The following GRM8 variants were observed in gnomAD, a reference collection of about 807,000 sequenced individuals.
GRM8 encodes the protein glutamate metabotropic receptor 8.
Under a neutral mutation model 87.2 loss-of-function variants are expected in GRM8, and 47 were observed. The observed-to-expected ratio is 0.54, with a 90% confidence interval of 0.43 to 0.69. The LOEUF (loss-of-function observed/expected upper bound fraction) is 0.69, where lower values mean the gene tolerates loss of function less well. Among genes scored for constraint, GRM8 ranks in the 30% least tolerant of loss-of-function variants. GRM8 has a pLI of 0.00. For synonymous variants in GRM8, 396 were observed against 404.5 expected (o/e 0.98, Z 0.25); for missense variants, 1,019 against 1,139.2 (o/e 0.89, Z 1.52).
chr7:126,883,114 C>T (rs1563279652), intron 6 of GRM8, among the ~76,000 whole-genome samples: 1 of 152,136 alleles, frequency 6.6e-6, no homozygotes, highest in Non-Finnish European at 1.5e-5. Context: ...TTCTGATTGG[C>T]CTCCATCCAG....
chr7:127,159,380 CTAAT>C (rs1292189194), intron 2 of GRM8, among the ~76,000 whole-genome samples: 1 of 152,064 alleles, frequency 6.6e-6, no homozygotes, highest in African/African-American at 2.4e-5. Flanking sequence ...TAAAGATGAC[CTAAT>C]TAATTGTTAC....
chr7:126,770,541 A>G lies in GRM8; in HGVS notation c.1157-476T>C, dbSNP rs139556092. Among the ~76,000 whole-genome samples the G allele has an allele frequency of 4.3e-3, 650 of 152,158 alleles. 6 individuals are homozygous for G. Among genetic ancestry groups the G allele is most frequent in the African/African-American group, 0.015 (620 of 41,544 alleles). On this transcript the variant is annotated intron_variant, in intron 6 of 10. Coordinates refer to ENST00000339582, the MANE Select transcript of GRM8 (RefSeq NM_000845.3). Reference sequence around the variant, plus strand: ...TTGGGAGCCTTTTTGTAACTTTTATATGACAATACTCCCTTAAGTGACCCT... The same window carrying G: ...TTGGGAGCCTTTTTGTAACTTTTATGTGACAATACTCCCTTAAGTGACCCT...
Position 126,892,605 on chromosome 7 carries a change from G to T in GRM8, c.1156+9937C>A, listed in dbSNP as rs182019923. ...AGTGCCTCAATAAACATACATGTGC[G>T]TGTGTCTTTACAGCAGCATGATTTA... On this transcript the variant is annotated intron_variant, in intron 6 of 10. Coordinates refer to ENST00000339582, the MANE Select transcript of GRM8 (RefSeq NM_000845.3). Among the ~76,000 whole-genome samples, 138 of 152,088 alleles carry T rather than the reference G, an allele frequency of 9.1e-4. 1 individual carries two copies. Among genetic ancestry groups the T allele is most frequent in the African/African-American group, 3.2e-3 (132 of 41,502 alleles).
rs1808946320 is a variant in GRM8, at chr7:126,692,585, A to G, written c.1357+77280T>C. 2.6e-5 allele frequency among the ~76,000 whole-genome samples: 4 copies of G among 152,352 alleles called. No homozygotes were observed. The South Asian group carries it at 6.2e-4, about 24-fold the overall frequency. ...CCTGGGAAGATTGAATTCTTGCAGC[A>G]GCACATAATGGAAAAATACTACAGC... On this transcript the variant is annotated intron_variant, in intron 7 of 10. Coordinates refer to ENST00000339582, the MANE Select transcript of GRM8 (RefSeq NM_000845.3).
At chr7:126,770,149 A>C (rs1314805074) in intron 6 of GRM8, 84 bp from the exon 7 acceptor site, 1 of 866,724 alleles carries the variant, frequency 1.2e-6, no homozygotes, top group Non-Finnish European at 1.9e-6. Context: ...CCATCATTTG[A>C]GGAACACTTA....
At chr7:127,228,698 A>C (rs1797497432) in intron 2 of GRM8, 1 of 152,244 alleles carries the variant, frequency 6.6e-6, no homozygotes. Flanking sequence ...GCTTCCTAAA[A>C]CATCTTTAAA....
At chr7:126,554,079 T>C (rs1201905373) in intron 8 of GRM8, among the ~76,000 whole-genome samples, 5 of 152,166 alleles carry the variant, frequency 3.3e-5, no homozygotes. Flanking sequence ...ATTCCAATCT[T>C]TTCTCAAAGA....
intron 2 of GRM8, chr7:127,229,402 G>T (rs11563480): frequency 2.0e-5 from 3 of 152,204 alleles, no homozygotes; most frequent in South Asian, 2.1e-4. Context: ...TTTCAGCAAG[G>T]TTTTACCTGT....
At chr7:127,109,399 T>C (rs1322859883) in intron 2 of GRM8, among the ~76,000 whole-genome samples, 1 of 152,310 alleles carries the variant, frequency 6.6e-6, no homozygotes, top group African/African-American at 2.4e-5. Flanking sequence ...ATACAAACTC[T>C]TCGGTCTGGT....
intron 3 of GRM8, among the ~76,000 whole-genome samples, chr7:126,993,625 C>T (rs913891817): frequency 2.6e-4 from 39 of 152,298 alleles, no homozygotes; most frequent in African/African-American, 7.2e-4. Context: ...CTCTCACATT[C>T]CCCAGAAATA....
chr7:126,949,261 A>C (rs1307354679), intron 3 of GRM8, among the ~76,000 whole-genome samples: 1 of 152,138 alleles, frequency 6.6e-6, no homozygotes, highest in African/African-American at 2.4e-5. Flanking sequence ...AACTCTCCTC[A>C]ATATCACACT....
chr7:126,642,737 A>G (rs927845777), intron 7 of GRM8, among the ~76,000 whole-genome samples: 1 of 152,136 alleles, frequency 6.6e-6, no homozygotes, highest in Non-Finnish European at 1.5e-5. Flanking sequence ...AGAGTTGAAG[A>G]AAGCAGATTT....
In GRM8 at chr7:126,890,189, C is replaced by T. The variant is rs3869233; in HGVS notation, c.1156+12353G>A. On this transcript the variant is annotated intron_variant, in intron 6 of 10. Coordinates refer to ENST00000339582, the MANE Select transcript of GRM8 (RefSeq NM_000845.3). ...ATTAAACAATGCAGATATGGAAAAACCTTCTTCACCTCAGAAAGTTCTATT... is the reference window on the plus strand; with the variant it reads ...ATTAAACAATGCAGATATGGAAAAATCTTCTTCACCTCAGAAAGTTCTATT... Among the ~76,000 whole-genome samples, 4 of 152,212 alleles carry T rather than the reference C, an allele frequency of 2.6e-5. No individual in the cohort carries two copies. The South Asian group carries it at 8.3e-4, about 32-fold the overall frequency.
intron 7 of GRM8, among the ~76,000 whole-genome samples, chr7:126,734,904 C>A (rs1814023201): frequency 1.3e-5 from 2 of 151,986 alleles, no homozygotes; most frequent in Non-Finnish European, 2.9e-5. Flanking sequence ...GAAAGAGAGA[C>A]ATTTGGTAGT....
At chr7:127,191,090 T>C (rs778792769) in intron 2 of GRM8, among the ~76,000 whole-genome samples, 17 of 152,190 alleles carry the variant, frequency 1.1e-4, no homozygotes, top group Non-Finnish European at 1.9e-4. Flanking sequence ...AATACTCTCA[T>C]TTAACAGGTT....
intron 6 of GRM8, among the ~76,000 whole-genome samples, chr7:126,856,172 TGC>T (rs1797666619): frequency 6.6e-6 from 1 of 152,146 alleles, no homozygotes; most frequent in Non-Finnish European, 1.5e-5. Context: ...CAGGCTTATA[TGC>T]AAAATGTTAC....
At chr7:126,768,744 T>C (rs1818483121) in intron 7 of GRM8, among the ~76,000 whole-genome samples, 1 of 152,056 alleles carries the variant, frequency 6.6e-6, no homozygotes, top group African/African-American at 2.4e-5. Context: ...CAACCTTGTA[T>C]TGCAACATTC....
chr7:126,551,574 T>C (rs1340164274), intron 8 of GRM8, among the ~76,000 whole-genome samples: 2 of 152,170 alleles, frequency 1.3e-5, no homozygotes, highest in Non-Finnish European at 2.9e-5. Flanking sequence ...GTATGAGACA[T>C]AAAGCTCATC....
intron 7 of GRM8, among the ~76,000 whole-genome samples, chr7:126,738,529 T>C (rs1814507527): frequency 6.9e-6 from 1 of 145,402 alleles, no homozygotes; most frequent in African/African-American, 2.5e-5. Context: ...AAGAAATAGG[T>C]GTGAAGTGAG....
Sources: gnomAD v4.1 joint callset for allele counts (sites outside exome capture counted in the v4.1 genomes callset) on GRCh38, gnomAD v4.1.1 for gene constraint, MANE v1.5 for transcripts, NCBI Gene and HGNC (gene_info 2026-07-23, HGNC 2026-07-21) for gene names.